MFSD11: variants seen among roughly 807,000 people sequenced by gnomAD.
MFSD11 encodes the protein UNC93-like protein MFSD11.
In MFSD11, 36 loss-of-function variants were observed where a neutral mutation model predicts 53.5. The observed-to-expected ratio is 0.67, with a 90% confidence interval of 0.52 to 0.89. The LOEUF (loss-of-function observed/expected upper bound fraction) is 0.89, where lower values mean the gene tolerates loss of function less well. Ranked by LOEUF, MFSD11 falls within the 40% of genes least tolerant of loss-of-function variation. The pLI is 0.00. For synonymous variants in MFSD11, 186 were observed against 184.9 expected (o/e 1.01, Z -0.05); for missense variants, 530 against 543.9 (o/e 0.97, Z 0.25).
chr17:76,752,372 T>A (rs2079130020), intron 7 of MFSD11, among the ~76,000 whole-genome samples: 1 of 151,998 alleles, frequency 6.6e-6, no homozygotes, highest in Admixed American at 6.6e-5. Context: ...TCGGCAGTAG[T>A]CTTGGTAAAC....
chr17:76,765,106 A>G (rs1193820993), intron 8 of MFSD11, among the ~76,000 whole-genome samples: 2 of 152,018 alleles, frequency 1.3e-5, no homozygotes, highest in African/African-American at 4.8e-5. Context: ...ATTTACTCCT[A>G]TATTTTCTTT....
chr17:76,749,444 G>A (rs1598547114), intron 7 of MFSD11, among the ~76,000 whole-genome samples: 1 of 151,868 alleles, frequency 6.6e-6, no homozygotes. Flanking sequence ...TGGGAGAATC[G>A]CTTACGCCCA....
chr17:76,757,028 GC>G (rs1164081040), intron 8 of MFSD11, among the ~76,000 whole-genome samples: 1 of 152,190 alleles, frequency 6.6e-6, no homozygotes, highest in African/African-American at 2.4e-5. Context: ...AGGCTAGAAA[GC>G]CACATTGGCT....
At chr17:76,740,538 C>T (rs1479031468) in intron 2 of MFSD11, among the ~76,000 whole-genome samples, 1 of 152,156 alleles carries the variant, frequency 6.6e-6, no homozygotes, top group Non-Finnish European at 1.5e-5. Context: ...AGTCCTGGCT[C>T]GACATTCACC....
chr17:76,763,254 CTG>C (rs1568092179), intron 8 of MFSD11, among the ~76,000 whole-genome samples: 1 of 151,536 alleles, frequency 6.6e-6, no homozygotes, highest in Non-Finnish European at 1.5e-5. Flanking sequence ...CAGTTATTTT[CTG>C]TTTTTTTGTT....
chr17:76,782,474 C>CTTT (rs33999736), downstream of MFSD11, among the ~76,000 whole-genome samples: 1,260 of 76,136 alleles, frequency 0.017, 15 homozygotes, highest in Non-Finnish European at 0.02. Flanking sequence ...CGCGCCCAGG[C>CTTT]TTTTTTTTTT....
chr17:76,769,164 T>C (rs1446148407), intron 9 of MFSD11: 2 of 152,304 alleles, frequency 1.3e-5, no homozygotes, highest in Admixed American at 6.5e-5. Context: ...TTGTATACTT[T>C]TACCTGAAAT....
At chr17:76,737,307 A>T, upstream of MFSD11, 1 of 1,155,642 alleles carries the variant, frequency 8.7e-7, no homozygotes, top group Non-Finnish European at 1.2e-6. Context: ...CGGGCTCCGC[A>T]GGCTAGCGCA....
At chr17:76,759,364 T>A (rs1335904994) in intron 8 of MFSD11, among the ~76,000 whole-genome samples, 1 of 150,448 alleles carries the variant, frequency 6.6e-6, no homozygotes, top group Non-Finnish European at 1.5e-5. Flanking sequence ...CTCACTACAA[T>A]CTCCGCCTCC....
At chr17:76,770,362 A>G (rs2081287481) in intron 10 of MFSD11, among the ~76,000 whole-genome samples, 2 of 152,116 alleles carry the variant, frequency 1.3e-5, no homozygotes, top group South Asian at 2.1e-4. Context: ...TAATATAACT[A>G]AATTATAAAA....
intron 7 of MFSD11, among the ~76,000 whole-genome samples, chr17:76,749,719 G>A (rs781120037): frequency 1.3e-5 from 2 of 151,790 alleles, no homozygotes; most frequent in African/African-American, 2.4e-5. Context: ...GTGAAACTCC[G>A]TCTCTACTAA....
chr17:76,746,305 T>C (rs1443291609), intron 7 of MFSD11, among the ~76,000 whole-genome samples: 2 of 152,200 alleles, frequency 1.3e-5, no homozygotes, highest in Non-Finnish European at 2.9e-5. Flanking sequence ...TAGCAGAGGT[T>C]GGTTCGTGAG....
upstream of MFSD11, chr17:76,737,718 A>G (rs939097083): frequency 2.9e-5 from 5 of 169,600 alleles, no homozygotes; most frequent in Non-Finnish European, 5.1e-5. Context: ...CCGTCTGAAG[A>G]GTGCTTCTGC....
chr17:76,770,226 G>C (rs1215037989), intron 10 of MFSD11, among the ~76,000 whole-genome samples: 1 of 151,690 alleles, frequency 6.6e-6, no homozygotes, highest in Non-Finnish European at 1.5e-5. Flanking sequence ...TTTTAGTAGA[G>C]ACGGGGTTTC....
At chr17:76,740,621 A>G (rs1555658428) in intron 2 of MFSD11, among the ~76,000 whole-genome samples, 1 of 152,218 alleles carries the variant, frequency 6.6e-6, no homozygotes, top group Non-Finnish European at 1.5e-5. Flanking sequence ...TCACATGAGG[A>G]TAATAACAAT....
intron 7 of MFSD11, among the ~76,000 whole-genome samples, chr17:76,751,945 C>G (rs2079085687): frequency 6.6e-6 from 1 of 152,132 alleles, no homozygotes; most frequent in Non-Finnish European, 1.5e-5. Flanking sequence ...GCCCTTGTTT[C>G]AATCAGTAGA....
At position 76,740,917 on chromosome 17, in the gene MFSD11, CTTTTT is replaced by C. The variant is rs529882256; in HGVS notation, c.153-28_153-24del. The C allele has an allele frequency of 1.3e-3, 1,171 of 900,350 alleles. 7 individuals are homozygous for C. In the African/African-American group the frequency reaches 0.02, roughly 15 times the overall value. 55.8% of individuals were successfully genotyped at this position (900,350 alleles called of 1,614,324 possible). On this transcript the variant is annotated intron_variant, in intron 2 of 12. Transcript: ENST00000685175. ...TGACACAGCATATAAGGGCTTTGTT[CTTTTT>C]TTTTTTTTTTTCCGTTTGTGTATTA...
chr17:76,740,914 G>C, intron 2 of MFSD11, 43 bp from the exon 3 acceptor site: 1 of 1,044,618 alleles, frequency 9.6e-7, no homozygotes, highest in Non-Finnish European at 1.4e-6. Context: ...TAAGGGCTTT[G>C]TTCTTTTTTT....
chr17:76,775,930 C>G (rs1357136893), intron 11 of MFSD11, among the ~76,000 whole-genome samples: 1 of 152,072 alleles, frequency 6.6e-6, no homozygotes, highest in African/African-American at 2.4e-5. Context: ...TGCATTTGAG[C>G]AAAAATTCTT....
Sources: allele counts gnomAD v4.1 joint callset (sites outside exome capture counted in the v4.1 genomes callset), GRCh38; gene constraint gnomAD v4.1.1; transcripts MANE v1.5; gene names NCBI Gene and HGNC (gene_info 2026-07-23, HGNC 2026-07-21).